The following PCDHGA1 variants were observed in gnomAD, a reference collection of about 807,000 sequenced individuals.
PCDHGA1 encodes the protein protocadherin gamma subfamily A, 1.
Under a neutral mutation model 58.0 loss-of-function variants are expected in PCDHGA1, and 32 were observed. That is an observed-to-expected ratio of 0.55 (90% CI 0.42 to 0.74). The LOEUF is 0.74. PCDHGA1 is among the 30% of genes least tolerant of loss of function. The pLI, the probability that PCDHGA1 is intolerant of heterozygous loss-of-function variation, is 0.00. For synonymous variants in PCDHGA1, 498 were observed against 501.1 expected, an observed-to-expected ratio of 0.99 and a Z score of 0.08; for missense variants, 1,205 against 1,182.3, an observed-to-expected ratio of 1.02 and a Z score of -0.28.
intron 1 of PCDHGA1, among the ~76,000 whole-genome samples, chr5:141,447,405 T>C (rs1045202682): frequency 6.6e-6 from 1 of 152,068 alleles, no homozygotes; most frequent in Non-Finnish European, 1.5e-5. Context: ...CCCAAAGTGC[T>C]GGGATTACAG....
intron 1 of PCDHGA1, among the ~76,000 whole-genome samples, chr5:141,438,615 T>C (rs566173071): frequency 5.6e-5 from 2 of 35,920 alleles, no homozygotes; most frequent in Admixed American, 4.1e-4. Flanking sequence ...TATATATATA[T>C]ATATATATAT....
At chr5:141,351,478 A>C in intron 1 of PCDHGA1, 2 of 1,613,924 alleles carry the variant, frequency 1.2e-6, no homozygotes, top group Non-Finnish European at 1.7e-6. Context: ...CTGGAGCCCT[A>C]AACCGGGAGC....
intron 1 of PCDHGA1, chr5:141,426,591 A>G: frequency 1.4e-5 from 5 of 369,676 alleles, no homozygotes; most frequent in South Asian, 7.9e-5. Context: ...CCTCTGTGTC[A>G]TACCCTTAGA....
At chr5:141,361,625 A>AGCC (rs747981041) in intron 1 of PCDHGA1, 1 of 1,613,928 alleles carries the variant, frequency 6.2e-7, no homozygotes, top group African/African-American at 1.3e-5. Context: ...AGCGACCTGA[A>AGCC]GCCGCGGGAG....
intron 1 of PCDHGA1, chr5:141,374,885 G>A (rs753304716): frequency 9.3e-6 from 15 of 1,613,516 alleles, no homozygotes; most frequent in South Asian, 1.1e-5. Flanking sequence ...GACTGCCACC[G>A]ACCAGGATGA....
intron 2 of PCDHGA1, among the ~76,000 whole-genome samples, chr5:141,504,402 G>A (rs2099837969): frequency 6.6e-6 from 1 of 152,170 alleles, no homozygotes; most frequent in Admixed American, 6.6e-5. Context: ...AGCCAGTGTG[G>A]TGGAGGAACA....
intron 1 of PCDHGA1, among the ~76,000 whole-genome samples, chr5:141,437,364 T>G (rs1026384836): frequency 6.6e-6 from 1 of 152,232 alleles, no homozygotes; most frequent in Non-Finnish European, 1.5e-5. Context: ...AAAATTGGAA[T>G]GTAATCAGTC....
At chr5:141,474,115 G>A (rs1404490690) in intron 1 of PCDHGA1, among the ~76,000 whole-genome samples, 2 of 152,062 alleles carry the variant, frequency 1.3e-5, no homozygotes, top group South Asian at 2.1e-4. Context: ...CAACAACAAC[G>A]AAAATCTCAG....
intron 1 of PCDHGA1, among the ~76,000 whole-genome samples, chr5:141,433,397 A>ATCTC (rs1179042498): frequency 6.6e-6 from 1 of 150,410 alleles, no homozygotes; most frequent in African/African-American, 2.5e-5. Flanking sequence ...CTATCTATCT[A>ATCTC]TCTATCTATT....
At chr5:141,351,329 G>A in intron 1 of PCDHGA1, 3 of 1,613,744 alleles carry the variant, frequency 1.9e-6, no homozygotes, top group Non-Finnish European at 2.5e-6. Context: ...AGAGGATTCA[G>A]ACCTTGGAAC....
chr5:141,404,200 A>C, intron 1 of PCDHGA1: 1 of 1,613,696 alleles, frequency 6.2e-7, no homozygotes, highest in Non-Finnish European at 8.5e-7. Context: ...AAAAAGCCTC[A>C]GAATATAATA....
intron 1 of PCDHGA1, among the ~76,000 whole-genome samples, chr5:141,436,848 AT>A (rs1247905529): frequency 6.6e-6 from 1 of 152,244 alleles, no homozygotes; most frequent in African/African-American, 2.4e-5. Flanking sequence ...CACATTCTTG[AT>A]TGAGAAGCCA....
chr5:141,478,097 A>G lies in PCDHGA1; in HGVS notation c.2422-16710A>G, dbSNP rs757796085. Reference sequence around the variant, plus strand: ...GGAGCCTTCGCTCTCCACCACTGCTACCCTCACTGTGTCAGTAACCGAGGA... The same window carrying G: ...GGAGCCTTCGCTCTCCACCACTGCTGCCCTCACTGTGTCAGTAACCGAGGA... On this transcript the variant is annotated intron_variant, in intron 1 of 3. Transcript: ENST00000517417. 9.9e-6 allele frequency: 16 copies of G among 1,613,666 alleles called. No homozygotes were observed. Among genetic ancestry groups the G allele is most frequent in the Admixed American group, 1.7e-5 (1 of 59,970 alleles).
chr5:141,465,430 C>T (rs1212434943), intron 1 of PCDHGA1, among the ~76,000 whole-genome samples: 2 of 152,150 alleles, frequency 1.3e-5, no homozygotes, highest in Non-Finnish European at 2.9e-5. Context: ...AAGGTGGGCA[C>T]TTAATGATTA....
In PCDHGA1 at chr5:141,423,110, G is replaced by A. The variant is rs62621243; in HGVS notation, c.2422-71697G>A. On this transcript the variant is annotated intron_variant, in intron 1 of 3. Coordinates refer to ENST00000517417, the MANE Select transcript of PCDHGA1 (RefSeq NM_018912.3). ...GTGGGGGAGCACACGGGCGAGGTGC[G>A]TACAGCGCGGGCACTGCTGGACAGA... The A allele has an allele frequency of 0.016, 25,324 of 1,613,842 alleles. 257 individuals carry two copies. Among genetic ancestry groups the A allele is most frequent in the Non-Finnish European group, 0.019 (22,060 of 1,179,980 alleles).
chr5:141,371,112 C>T (rs756319459), intron 1 of PCDHGA1: 1 of 1,613,922 alleles, frequency 6.2e-7, no homozygotes, highest in Non-Finnish European at 8.5e-7. Flanking sequence ...TGATAACCCC[C>T]CAGTATTTAC....
At chr5:141,497,722 T>C (rs1395904793) in intron 2 of PCDHGA1, among the ~76,000 whole-genome samples, 1 of 152,030 alleles carries the variant, frequency 6.6e-6, no homozygotes, top group Non-Finnish European at 1.5e-5. Flanking sequence ...GTATTTTTAG[T>C]AGAGATGGGT....
chr5:141,389,983 T>C (rs1224770373), intron 1 of PCDHGA1: 1 of 1,614,014 alleles, frequency 6.2e-7, no homozygotes, highest in East Asian at 2.2e-5. Context: ...ATCTCAGTGC[T>C]CTTCCTCGTG....
rs748591129 is a variant in PCDHGA1 at position 141,388,776 on chromosome 5, G to A, written c.2421+55671G>A. ...ATTTGACCTGAACTCTAACACCGGG[G>A]AAATTACTGTTTTAAATACATTAGA... On this transcript the variant is annotated intron_variant, in intron 1 of 3. Transcript: ENST00000517417. 8.7e-6 allele frequency: 14 copies of A among 1,613,806 alleles called. 1 individual carries two copies. In the South Asian group the frequency reaches 1.1e-4, roughly 13 times the overall value.
Sources: allele counts gnomAD v4.1 joint callset (sites outside exome capture counted in the v4.1 genomes callset), GRCh38; gene constraint gnomAD v4.1.1; transcripts MANE v1.5; gene names NCBI Gene and HGNC (gene_info 2026-07-23, HGNC 2026-07-21).